The following COG5 variants were observed in gnomAD, a reference collection of about 807,000 sequenced individuals.
COG5 encodes conserved oligomeric Golgi complex subunit 5.
In COG5, 86 loss-of-function variants were observed where a neutral mutation model predicts 110.4. That is an observed-to-expected ratio of 0.78 (90% CI 0.65 to 0.93). The LOEUF is 0.93. COG5 is among the 40% of genes least tolerant of loss of function. The pLI, the probability that COG5 is intolerant of heterozygous loss-of-function variation, is 0.00. For synonymous variants in COG5, 360 were observed against 334.6 expected (o/e 1.08, Z -0.83); for missense variants, 1,077 against 987.0 (o/e 1.09, Z -1.22).
rs1327226876 is a variant in COG5, at chr7:107,251,754, G to A, written c.1750-3255C>T. On this transcript the variant is annotated intron_variant, in intron 16 of 21. Transcript: ENST00000297135. The stretch of plus-strand genomic sequence containing the variant: ...TAAATGTTTATTTGTGGGGAAAATG[G>A]TCTAAAATCAATGATGTAAAGTCTC... Among the ~76,000 whole-genome samples the A allele has an allele frequency of 2.6e-5, 4 of 152,018 alleles. 1 individual carries two copies. Among genetic ancestry groups the A allele is most frequent in the East Asian group, 3.9e-4 (2 of 5,184 alleles).
intron 7 of COG5, among the ~76,000 whole-genome samples, chr7:107,376,531 A>G (rs1017692139): frequency 4.6e-5 from 7 of 151,936 alleles, no homozygotes; most frequent in Non-Finnish European, 1.0e-4. Flanking sequence ...TTTTTGATAT[A>G]AATTGTATGT....
Position 107,527,238 on chromosome 7 carries a change from A to C in COG5, c.537T>G (p.Leu179=). 1 of 1,557,928 alleles carries C rather than the reference A, an allele frequency of 6.4e-7. No homozygotes were observed. Among genetic ancestry groups the C allele is most frequent in the Non-Finnish European group, 8.7e-7 (1 of 1,151,290 alleles). ...ATTTAAAAAAAAAAAAAAACTTACC[A>C]AGTTCATTGAGACTCTGAGCAGCTT... ...ITKAAQSLNE[L]DYLSQGIDLS... is the part of the protein sequence containing the mutation. Residue 179 remains leucine (L), a splice_region_variant and synonymous_variant, in exon 6 of 22, where the codon CTT becomes CTG. Coordinates refer to ENST00000297135, the MANE Select transcript of COG5 (RefSeq NM_006348.5).
At chr7:107,499,303 C>A (rs1387618023) in intron 6 of COG5, among the ~76,000 whole-genome samples, 2 of 151,696 alleles carry the variant, frequency 1.3e-5, no homozygotes, top group African/African-American at 4.8e-5. Context: ...TCATATTAAG[C>A]GTACTTACCA....
chr7:107,495,196 C>T (rs987415222), intron 6 of COG5, among the ~76,000 whole-genome samples: 19 of 152,010 alleles, frequency 1.2e-4, no homozygotes, highest in East Asian at 3.9e-4. Flanking sequence ...ATGGCTGGCA[C>T]GGCAACTGAA....
At chr7:107,210,010 C>T (rs1799051244) in intron 21 of COG5, 4 of 1,001,780 alleles carry the variant, frequency 4.0e-6, no homozygotes, top group South Asian at 8.8e-5. Context: ...GGTGTGTGCA[C>T]GTGTGGGCAA....
intron 10 of COG5, among the ~76,000 whole-genome samples, chr7:107,330,579 T>C (rs1810151298): frequency 6.6e-6 from 1 of 152,206 alleles, no homozygotes; most frequent in Non-Finnish European, 1.5e-5. Context: ...TGACAGCTTC[T>C]TACTGCACAT....
At chr7:107,401,459 T>C (rs961875169) in intron 7 of COG5, among the ~76,000 whole-genome samples, 3 of 152,184 alleles carry the variant, frequency 2.0e-5, no homozygotes, top group South Asian at 2.1e-4. Flanking sequence ...AATACCAATG[T>C]ACTCCACATC....
chr7:107,307,168 G>T (rs1435329378), intron 11 of COG5, among the ~76,000 whole-genome samples: 3 of 152,138 alleles, frequency 2.0e-5, no homozygotes, highest in African/African-American at 7.2e-5. Context: ...ACTTTCAACT[G>T]CCACAACACC....
chr7:107,312,630 T>A (rs1180048270), intron 11 of COG5, among the ~76,000 whole-genome samples: 1 of 152,162 alleles, frequency 6.6e-6, no homozygotes, highest in Non-Finnish European at 1.5e-5. Flanking sequence ...AGAGGGTGAT[T>A]CATTCAACAA....
intron 6 of COG5, among the ~76,000 whole-genome samples, chr7:107,470,969 A>C (rs2129108226): frequency 6.6e-6 from 1 of 152,104 alleles, no homozygotes; most frequent in Admixed American, 6.5e-5. Context: ...GCTAATAATT[A>C]GGCAAGTTAC....
In COG5 at chr7:107,367,569, TACACAC is replaced by T. The variant is rs146551030; in HGVS notation, c.835+5020_835+5025del. Among the ~76,000 whole-genome samples, 3 of 150,824 alleles carry T rather than the reference TACACAC, an allele frequency of 2.0e-5. No homozygotes were observed. The East Asian group carries it at 5.8e-4, about 29-fold the overall frequency. Reference sequence around the variant, plus strand: ...GTAAAGAAACTGTTGTGTATATATATACACACACACACACACCATGGAACACTACTC... The same window carrying T: ...GTAAAGAAACTGTTGTGTATATATATACACACACACCATGGAACACTACTC... On this transcript the variant is annotated intron_variant, in intron 8 of 21. Coordinates refer to ENST00000297135, the MANE Select transcript of COG5 (RefSeq NM_006348.5).
At chr7:107,490,699 A>C (rs943448116) in intron 6 of COG5, among the ~76,000 whole-genome samples, 5 of 152,164 alleles carry the variant, frequency 3.3e-5, no homozygotes, top group African/African-American at 1.2e-4. Flanking sequence ...AGTCCTCTGA[A>C]ACCTGAGTGA....
rs770248657 is a variant in COG5, at chr7:107,258,303, T to C, written c.1656A>G (p.Ser552=). Residue 552 remains serine, a synonymous_variant, in exon 15 of 22, where the codon TCA becomes TCG. Coordinates refer to ENST00000297135, the MANE Select transcript of COG5 (RefSeq NM_006348.5). Reference sequence around the variant, plus strand: ...TTACTGATTGGTGCAACTTATACAATGAATTCACTACTGCCACATTTCTTC... The same window carrying C: ...TTACTGATTGGTGCAACTTATACAACGAATTCACTACTGCCACATTTCTTC... ...GQRRNVAVVN[S]LYKLHQSVTK... 6.2e-7 allele frequency: 1 copy of C among 1,611,724 alleles called. No individual in the cohort carries two copies. Among genetic ancestry groups the C allele is most frequent in the South Asian group, 1.1e-5 (1 of 91,028 alleles).
At chr7:107,541,515 AAAAAAAAAAT>A (rs1349137960) in intron 5 of COG5, among the ~76,000 whole-genome samples, 3 of 100,298 alleles carry the variant, frequency 3.0e-5, no homozygotes, top group Non-Finnish European at 6.6e-5. Flanking sequence ...AAAAAAAAAA[AAAAAAAAAAT>A]ATATATATAT....
intron 3 of COG5, among the ~76,000 whole-genome samples, chr7:107,550,289 T>G (rs1485714715): frequency 6.6e-6 from 1 of 151,902 alleles, no homozygotes; most frequent in Non-Finnish European, 1.5e-5. Flanking sequence ...CAACTTCAAC[T>G]ATTCTAATAG....
intron 10 of COG5, among the ~76,000 whole-genome samples, chr7:107,345,280 T>A (rs571409988): frequency 1.3e-5 from 2 of 152,066 alleles, no homozygotes; most frequent in Non-Finnish European, 2.9e-5. Flanking sequence ...AACAAAAAAA[T>A]TTGAAATATT....
intron 6 of COG5, among the ~76,000 whole-genome samples, chr7:107,457,721 C>T (rs1418060375): frequency 1.3e-5 from 2 of 152,080 alleles, no homozygotes; most frequent in East Asian, 1.9e-4. Context: ...TGAGCCACTG[C>T]GCCCGGCCTA....
chr7:107,323,346 T>C (rs1475973893), intron 11 of COG5, among the ~76,000 whole-genome samples: 2 of 152,104 alleles, frequency 1.3e-5, no homozygotes, highest in Admixed American at 6.6e-5. Context: ...CTGACCAACA[T>C]GGTGAAACCC....
At chr7:107,450,589 T>C (rs1181453874) in intron 6 of COG5, among the ~76,000 whole-genome samples, 2 of 152,136 alleles carry the variant, frequency 1.3e-5, no homozygotes, top group East Asian at 1.9e-4. Context: ...ATAAAGGTCA[T>C]TTATTAGTAA....
Sources: gnomAD v4.1 joint callset for allele counts (sites outside exome capture counted in the v4.1 genomes callset) on GRCh38, gnomAD v4.1.1 for gene constraint, MANE v1.5 for transcripts, NCBI Gene and HGNC (gene_info 2026-07-23, HGNC 2026-07-21) for gene names.